The following POR variants were observed in gnomAD, a reference collection of about 807,000 sequenced individuals.
POR encodes the protein cytochrome p450 oxidoreductase.
In POR, 56 loss-of-function variants were observed where a neutral mutation model predicts 84.0. The ratio of observed to expected loss-of-function variants is 0.67; its 90% CI spans 0.54 to 0.83. The LOEUF (loss-of-function observed/expected upper bound fraction) is 0.83. Ranked by LOEUF, POR falls within the 40% of genes least tolerant of loss-of-function variation. The pLI is 0.00. For missense variants in POR, 938 were observed against 944.3 expected (o/e 0.99, Z 0.09); for synonymous variants, 414 against 400.5 (o/e 1.03, Z -0.40).
At chr7:75,952,525 T>G (rs1317110223) in intron 1 of POR, among the ~76,000 whole-genome samples, 6 of 148,606 alleles carry the variant, frequency 4.0e-5, no homozygotes, top group Non-Finnish European at 6.0e-5. Flanking sequence ...ACTTCCCAGA[T>G]GGGGTGGCTG....
intron 3 of POR, among the ~76,000 whole-genome samples, chr7:75,979,235 C>T (rs1473654383): frequency 3.3e-5 from 5 of 152,226 alleles, no homozygotes; most frequent in African/African-American, 9.7e-5. Flanking sequence ...TGAGCAGCCG[C>T]GTGTGTGAGA....
rs782010605 is a variant in POR, at chr7:75,985,679, A to T, written c.1499A>T (p.Lys500Met). 1 of 1,594,408 alleles carries T rather than the reference A, an allele frequency of 6.3e-7. No individual in the cohort carries two copies. The highest frequency in any genetic ancestry group is 1.1e-5 in the South Asian group (1 of 87,692). Residue 500 changes from lysine to methionine, a missense_variant, in exon 13 of 16, where the codon AAG becomes ATG. Lys to Met is a moderately conservative substitution (Grantham distance 95). Transcript: ENST00000461988. ...GTGGCCACCAACTGGCTGCGGGCCA[A>T]GGAGCCTGCCGGGGAGAACGGCGGC...
At chr7:75,981,741 T>C (rs963001214) in intron 7 of POR, 135 bp downstream of exon 7, 7 of 751,658 alleles carry the variant, frequency 9.3e-6, no homozygotes, top group African/African-American at 1.8e-5. Context: ...GGAGGGACCT[T>C]GGTCCCAGCC....
At chr7:75,937,995 G>A (rs782646879) in intron 1 of POR, among the ~76,000 whole-genome samples, 8 of 152,196 alleles carry the variant, frequency 5.3e-5, no homozygotes, top group Non-Finnish European at 1.2e-4. Flanking sequence ...GATGCTGCTA[G>A]AAGCAGGCAC....
intron 1 of POR, among the ~76,000 whole-genome samples, chr7:75,943,257 T>C (rs1554551763): frequency 6.6e-6 from 1 of 151,272 alleles, no homozygotes; most frequent in Non-Finnish European, 1.5e-5. Context: ...GGCCCTCTCT[T>C]TTTTTATTTT....
In POR at chr7:75,937,554, G is replaced by A. The variant is rs1444572122; in HGVS notation, c.-4-16435G>A. On this transcript the variant is annotated intron_variant, in intron 1 of 15. Coordinates refer to ENST00000461988, the MANE Select transcript of POR (RefSeq NM_000941.3). ...TCCCAGCACTTTGGAAGGCTGAGGG[G>A]GTGGATCACCTGAGGTCAGGAGTTT... Among the ~76,000 whole-genome samples the A allele has an allele frequency of 2.0e-5, 3 of 151,678 alleles. No homozygotes were observed. The South Asian group carries it at 6.3e-4, about 32-fold the overall frequency.
chr7:75,959,659 T>C (rs190883669), intron 2 of POR, among the ~76,000 whole-genome samples: 1 of 152,328 alleles, frequency 6.6e-6, no homozygotes, highest in African/African-American at 2.4e-5. Context: ...TTTCACCACG[T>C]TGGCCAGGCT....
At chr7:75,934,495 T>A (rs562630785) in intron 1 of POR, among the ~76,000 whole-genome samples, 1 of 152,270 alleles carries the variant, frequency 6.6e-6, no homozygotes, top group South Asian at 2.1e-4. Flanking sequence ...TTCAAGAGAA[T>A]TCAAGCAGGC....
At chr7:75,957,404 A>G (rs1554553892) in intron 2 of POR, among the ~76,000 whole-genome samples, 1 of 152,172 alleles carries the variant, frequency 6.6e-6, no homozygotes, top group Non-Finnish European at 1.5e-5. Flanking sequence ...TACTTTTGAT[A>G]AAAAAGCGTA....
In POR at chr7:75,962,688, T is replaced by A. The variant is rs188763236; in HGVS notation, c.188+8508T>A. 9.8e-5 allele frequency among the ~76,000 whole-genome samples: 15 copies of A among 152,290 alleles called. No individual in the cohort carries two copies. The East Asian group carries it at 1.3e-3, about 14-fold the overall frequency. The stretch of plus-strand genomic sequence containing the variant: ...TCTGTAATCAGTATCATAATCGAAA[T>A]CTAGAACATTTCATCACTCCGAAAC... On this transcript the variant is annotated intron_variant, in intron 2 of 15. Coordinates refer to ENST00000461988, the MANE Select transcript of POR (RefSeq NM_000941.3).
At chr7:75,921,630 C>T (rs1001111411) in intron 1 of POR, among the ~76,000 whole-genome samples, 1 of 152,160 alleles carries the variant, frequency 6.6e-6, no homozygotes, top group African/African-American at 2.4e-5. Flanking sequence ...TGCGCTGACC[C>T]GTAATTGACC....
chr7:75,937,078 C>T (rs1554550937), intron 1 of POR, among the ~76,000 whole-genome samples: 1 of 151,582 alleles, frequency 6.6e-6, no homozygotes, highest in Non-Finnish European at 1.5e-5. Flanking sequence ...CCGCCTGCCT[C>T]GGACTCCCAA....
intron 1 of POR, among the ~76,000 whole-genome samples, chr7:75,930,163 C>A (rs981346210): frequency 2.0e-5 from 3 of 152,154 alleles, no homozygotes; most frequent in African/African-American, 7.2e-5. Flanking sequence ...GTGCTTGGCA[C>A]GTAGTAGGTG....
intron 6 of POR, 67 bp downstream of exon 6, chr7:75,981,239 G>T: frequency 3.4e-6 from 5 of 1,470,904 alleles, no homozygotes; most frequent in Non-Finnish European, 4.5e-6. Flanking sequence ...AACGTGAGGG[G>T]CGCGCACACC....
chr7:75,954,035 G>A lies in POR; in HGVS notation c.43G>A (p.Val15Met), dbSNP rs369118442. The A allele has an allele frequency of 1.3e-5, 21 of 1,609,106 alleles. No homozygotes were observed. Among genetic ancestry groups the A allele is most frequent in the African/African-American group, 9.3e-5 (7 of 74,874 alleles). The change falls in exon 2 of 16, where the codon GTG (valine) becomes ATG (methionine). Residue 15 changes from valine to methionine, a missense_variant. Val to Met is a conservative substitution (Grantham distance 21). Transcript: ENST00000461988. ...CTCCCACGTGGACACCAGCTCCACC[G>A]TGTCCGAGGCGGTGGCCGAAGAAGT...
intron 1 of POR, among the ~76,000 whole-genome samples, chr7:75,934,247 C>T (rs961482834): frequency 1.3e-5 from 2 of 148,470 alleles, no homozygotes; most frequent in Admixed American, 1.4e-4. Context: ...TCTTTGTCAA[C>T]GTCTCACAGT....
At position 75,981,591 on chromosome 7, in the gene POR, C is replaced by T; in HGVS notation, c.716C>T (p.Thr239Ile). The change falls in exon 7 of 16, where the codon ACT becomes ATT. Residue 239 changes from threonine (T) to isoleucine (I), a missense_variant. Thr to Ile is a moderately conservative substitution (Grantham distance 89). Coordinates refer to ENST00000461988, the MANE Select transcript of POR (RefSeq NM_000941.3). ...TGTGAACACTTTGGGGTGGAAGCCA[C>T]TGGCGAGGAGTCCAGGTGAGCAAGT... 6.2e-7 allele frequency: 1 copy of T among 1,613,032 alleles called. No homozygotes were observed. Among genetic ancestry groups the T allele is most frequent in the Non-Finnish European group, 8.5e-7 (1 of 1,179,660 alleles).
intron 10 of POR, among the ~76,000 whole-genome samples, chr7:75,984,089 G>C (rs1223233429): frequency 1.3e-5 from 2 of 152,224 alleles, no homozygotes; most frequent in Non-Finnish European, 2.9e-5. Flanking sequence ...AGTCCTTTAA[G>C]GGAGTGAGGT....
chr7:75,984,531 T>G (rs939039473), intron 10 of POR, among the ~76,000 whole-genome samples: 27 of 152,252 alleles, frequency 1.8e-4, no homozygotes, highest in African/African-American at 6.5e-4. Flanking sequence ...TGCGTTAGTG[T>G]GCAGGGGCTC....
Sources: gnomAD v4.1 joint callset for allele counts (sites outside exome capture counted in the v4.1 genomes callset) on GRCh38, gnomAD v4.1.1 for gene constraint, MANE v1.5 for transcripts, NCBI Gene and HGNC (gene_info 2026-07-23, HGNC 2026-07-21) for gene names.